Variants in PTPN18 observed in about 807,000 individuals in gnomAD.
PTPN18 encodes tyrosine-protein phosphatase non-receptor type 18.
PTPN18 carries 65 observed loss-of-function variants against 65.4 expected under a neutral mutation model. The ratio of observed to expected loss-of-function variants is 0.99; its 90% CI spans 0.81 to 1.22. PTPN18 has a LOEUF of 1.22. PTPN18 is among the 50% of genes most tolerant of loss of function. The probability of loss-of-function intolerance (pLI) is 0.00; values close to 1 mark genes in which losing one functional copy is unlikely to be tolerated. For missense variants in PTPN18, 616 were observed against 646.5 expected, an observed-to-expected ratio of 0.95 and a Z score of 0.51; for synonymous variants, 255 against 267.8, an observed-to-expected ratio of 0.95 and a Z score of 0.47.
intron 5 of PTPN18, among the ~76,000 whole-genome samples, chr2:130,364,562 C>T (rs1006711798): frequency 3.3e-5 from 5 of 152,090 alleles, no homozygotes; most frequent in East Asian, 1.9e-4. Flanking sequence ...TTTGGGAGGC[C>T]GAAGCAGGCA....
chr2:130,365,615 T>C (rs1334933844), intron 5 of PTPN18, among the ~76,000 whole-genome samples: 1 of 152,240 alleles, frequency 6.6e-6, no homozygotes, highest in Non-Finnish European at 1.5e-5. Context: ...GTTGCTGTGC[T>C]TTTGGTGTAT....
chr2:130,361,557 T>TTCTTTCTTTCTTTCTTTCTTTCTTTC (rs1680209440), intron 5 of PTPN18, among the ~76,000 whole-genome samples: 2 of 78,508 alleles, frequency 2.5e-5, no homozygotes, highest in East Asian at 3.8e-4. Context: ...TTTCTTTCTT[T>TTCTTTCTTTCTTTCTTTCTTTCTTTC]CTTTCTTTCC....
At chr2:130,369,715 T>G in intron 6 of PTPN18, 50 bp from the exon 7 acceptor site, 1 of 1,501,124 alleles carries the variant, frequency 6.7e-7, no homozygotes. Flanking sequence ...CTGGTACCTA[T>G]GATCTTTGTT....
intron 1 of PTPN18, chr2:130,356,469 G>C: frequency 2.0e-6 from 1 of 503,586 alleles, no homozygotes; most frequent in Non-Finnish European, 3.8e-6. Flanking sequence ...TCCTCGTCGC[G>C]CTCCCGGAAC....
chr2:130,371,407 C>T (rs1680562072), intron 12 of PTPN18, 120 bp downstream of exon 12: 1 of 863,456 alleles, frequency 1.2e-6, no homozygotes, highest in African/African-American at 1.7e-5. Context: ...GCCCTTTCTT[C>T]GAATTGAGCT....
At chr2:130,359,547 G>A (rs55841189) in intron 4 of PTPN18, 55 bp downstream of exon 4, 104,065 of 1,612,272 alleles carry the variant, frequency 0.065, 3,906 homozygotes, top group Non-Finnish European at 0.075. Flanking sequence ...GTACCCCCTC[G>A]GCAGTTTCCC....
At position 130,359,645 on chromosome 2, in the gene PTPN18, G is replaced by A. The variant is rs201756701; in HGVS notation, c.413G>A (p.Arg138Gln). The part of the protein sequence containing the change: ...LMACREIENG[R>Q]KRCERYWAQE... ...GCCTGTCGAGAGATAGAGAATGGGCGGGTAGGTGCCCTCTGCCCCCAGGTT... is the reference window on the plus strand; with the variant it reads ...GCCTGTCGAGAGATAGAGAATGGGCAGGTAGGTGCCCTCTGCCCCCAGGTT... Residue 138 changes from arginine to glutamine, a missense_variant and splice_region_variant, in exon 5 of 15, where the codon CGG becomes CAG. By Grantham distance (43) the Arg-to-Gln change is conservative. Coordinates refer to ENST00000175756, the MANE Select transcript of PTPN18 (RefSeq NM_014369.4). 1.9e-4 allele frequency: 308 copies of A among 1,613,814 alleles called. No homozygotes were observed. The highest frequency in any genetic ancestry group is 2.5e-4 in the Non-Finnish European group (290 of 1,179,848).
Position 130,370,097 on chromosome 2 carries a change from G to A in PTPN18, c.596G>A (p.Gly199Glu). 1.2e-6 allele frequency: 2 copies of A among 1,614,146 alleles called. No individual in the cohort carries two copies. The change falls in exon 8 of 15, where the codon GGG becomes GAG. Residue 199 changes from glycine to glutamate, a missense_variant. Transcript: ENST00000175756. ...QLQYMSWPDR[G>E]VPSSPDHMLA... ...CAGTATATGTCCTGGCCAGACCGTG[G>A]GGTCCCCAGCAGTCCTGACCACATG... is the stretch of plus-strand genomic sequence containing the variant.
intron 1 of PTPN18, among the ~76,000 whole-genome samples, chr2:130,357,564 A>G (rs750445171): frequency 1.2e-4 from 18 of 152,228 alleles, no homozygotes; most frequent in Non-Finnish European, 1.0e-4. Context: ...GATATAAAAT[A>G]TGTAACAGAT....
Position 130,371,283 on chromosome 2 carries a change from C to A in PTPN18, c.1009C>A (p.Leu337Ile), listed in dbSNP as rs1680558404. Residue 337 changes from leucine (L) to isoleucine (I), a missense_variant, in exon 12 of 15, where the codon CTC becomes ATC. Around this residue, in one of 3 missense-constraint regions of PTPN18, gnomAD observed 368 missense variants for 386.7 expected, o/e 0.95. Coordinates refer to ENST00000175756, the MANE Select transcript of PTPN18 (RefSeq NM_014369.4). Reference sequence around the variant, plus strand: ...CATACCCCGCCCACCAGGAGGGGTCCTCAGGTACCCGGCTCCATCCCCGGA... The same window carrying A: ...CATACCCCGCCCACCAGGAGGGGTCATCAGGTACCCGGCTCCATCCCCGGA... ...LAIPRPPGGV[L>I]RSISVPGSPG... 2 of 1,588,540 alleles carry A rather than the reference C, an allele frequency of 1.3e-6. No individual in the cohort carries two copies. Among genetic ancestry groups the A allele is most frequent in the Admixed American group, 1.7e-5 (1 of 59,362 alleles).
chr2:130,371,055 G>A, intron 11 of PTPN18, 91 bp downstream of exon 11: 1 of 1,432,728 alleles, frequency 7.0e-7, no homozygotes, highest in Non-Finnish European at 9.6e-7. Context: ...GGACTACTGG[G>A]AGCAGGCACT....
rs1377635729 is a variant in PTPN18, at chr2:130,375,353, T to TA, written c.*2130dup. The TA allele has an allele frequency of 6.6e-6, 1 of 152,516 alleles. No individual in the cohort carries two copies. The highest frequency in any genetic ancestry group is 1.5e-5 in the Non-Finnish European group (1 of 68,352). The allele number at this position is 152,516 out of a possible 1,614,324, so 9.4% of individuals were successfully genotyped here. A position where few individuals can be genotyped will look rare whatever the true frequency, so the allele number is the denominator to read the frequency against. ...AGGGGCATGGGAAAGTGACTAAAGA[T>TA]ACTGTTCTGGCTGCTGTGTTCACTG... is the stretch of plus-strand genomic sequence containing the variant. On this transcript the variant is annotated 3_prime_UTR_variant, in exon 15 of 15. Transcript: ENST00000175756.
At chr2:130,356,460 C>A in intron 1 of PTPN18, 1 of 534,936 alleles carries the variant, frequency 1.9e-6, no homozygotes, top group Non-Finnish European at 3.5e-6. Context: ...TTCCCGGTGT[C>A]CTCGTCGCGC....
At position 130,374,917 on chromosome 2, in the gene PTPN18, G is replaced by A. The variant is rs1372505176; in HGVS notation, c.*1693G>A. On this transcript the variant is annotated 3_prime_UTR_variant, in exon 15 of 15. Transcript: ENST00000175756. The stretch of plus-strand genomic sequence containing the variant: ...CCACCCCTTGGCAGGGTGATGCTGA[G>A]GTGTGGATTTTTAACAGTTCCCAGA... The A allele has an allele frequency of 3.5e-6, 1 of 289,234 alleles. No individual in the cohort carries two copies. Among genetic ancestry groups the A allele is most frequent in the Non-Finnish European group, 7.0e-6 (1 of 142,564 alleles). The allele number at this position is 289,234 out of a possible 1,614,324, so 17.9% of individuals were successfully genotyped here. A position where few individuals can be genotyped will look rare whatever the true frequency, so the allele number is the denominator to read the frequency against.
At chr2:130,369,918 T>G in intron 7 of PTPN18, 91 bp downstream of exon 7, 1 of 1,540,088 alleles carries the variant, frequency 6.5e-7, no homozygotes, top group Non-Finnish European at 9.0e-7. Context: ...TAGTACCCAC[T>G]TCCTCAGTTA....
intron 5 of PTPN18, among the ~76,000 whole-genome samples, chr2:130,361,555 TTTCTTTCTTTCC>T: frequency 8.4e-6 from 1 of 119,042 alleles, no homozygotes; most frequent in East Asian, 2.8e-4. Flanking sequence ...TCTTTCTTTC[TTTCTTTCTTTCC>T]TTTCTTTCCT....
At chr2:130,368,716 TG>T in intron 5 of PTPN18, among the ~76,000 whole-genome samples, 1 of 152,334 alleles carries the variant, frequency 6.6e-6, no homozygotes, top group Middle Eastern at 3.4e-3. Flanking sequence ...TAGCTGCTTT[TG>T]CCTCCTTGAG....
At chr2:130,358,705 G>A (rs1468420938) in intron 1 of PTPN18, among the ~76,000 whole-genome samples, 162 bp from the exon 2 acceptor site, 1 of 152,070 alleles carries the variant, frequency 6.6e-6, no homozygotes, top group Non-Finnish European at 1.5e-5. Context: ...TCACTATTTC[G>A]GTATCATTAT....
In PTPN18 at chr2:130,373,263, C is replaced by T. The variant is rs973273383; in HGVS notation, c.*39C>T. The T allele has an allele frequency of 2.6e-6, 4 of 1,520,900 alleles. No homozygotes were observed. The highest frequency in any genetic ancestry group is 3.5e-6 in the Non-Finnish European group (4 of 1,131,510). 94.2% of individuals were successfully genotyped at this position (1,520,900 alleles called of 1,614,324 possible). A position where few individuals can be genotyped will look rare whatever the true frequency, so the allele number is the denominator to read the frequency against. The stretch of plus-strand genomic sequence containing the variant: ...TCCTGCCTGTTGCCTCTTGTGAGCT[C>T]GGACTGCTGATGCCCCGGTGCTGCT... On this transcript the variant is annotated 3_prime_UTR_variant, in exon 15 of 15. Transcript: ENST00000175756. This position sits in a 1 kb window ranked among gnomAD's most constrained non-coding sequence, Gnocchi z 4.1.
Sources: gnomAD v4.1 joint callset for allele counts (sites outside exome capture counted in the v4.1 genomes callset) on GRCh38, gnomAD v4.1.1 for gene constraint, gnomAD v4.1.1 regional missense constraint, Gnocchi (gnomAD v3.1) non-coding constraint, MANE v1.5 for transcripts, NCBI Gene and HGNC (gene_info 2026-07-23, HGNC 2026-07-21) for gene names.